Variants in ZNF157 observed in about 807,000 individuals in gnomAD.
ZNF157 encodes the protein zinc finger protein 22.
ZNF157 carries 8 observed loss-of-function variants against 9.4 expected under a neutral mutation model. That is an observed-to-expected ratio of 0.85 (90% CI 0.50 to 1.53). The LOEUF (loss-of-function observed/expected upper bound fraction) is 1.53, where lower values mean the gene tolerates loss of function less well. Ranked by LOEUF, ZNF157 falls within the 40% of genes most tolerant of loss-of-function variation. ZNF157 has a pLI of 0.00. For missense variants in ZNF157, 316 were observed against 385.2 expected (o/e 0.82, Z 1.50); for synonymous variants, 120 against 130.8 (o/e 0.92, Z 0.56).
Position 47,370,751 on chromosome X carries a change from G to T in ZNF157, c.72+11G>T. The T allele has an allele frequency of 8.5e-7, 1 of 1,171,450 alleles. No individual in the cohort carries two copies. The highest frequency in any genetic ancestry group is 2.4e-5 in the Admixed American group (1 of 41,504). ...GGCAGATCTTTTGAGGTAAGGAGGA[G>T]GATCCTATTTTTTTCTATATGTTCT... On this transcript the variant is annotated intron_variant, in intron 1 of 3. Coordinates refer to ENST00000377073, the MANE Select transcript of ZNF157 (RefSeq NM_003446.4).
chrX:47,405,886 G>A (rs976785054), intron 1 of ZNF157, among the ~76,000 whole-genome samples: 1 of 108,729 alleles, frequency 9.2e-6, no homozygotes, highest in Admixed American at 1.0e-4. Context: ...AGGTTTTGGG[G>A]AATGGTTGGT....
At chrX:47,381,139 CAGG>C (rs200258628) in intron 1 of ZNF157, among the ~76,000 whole-genome samples, 1 of 71,394 alleles carries the variant, frequency 1.4e-5, no homozygotes, top group South Asian at 7.4e-4. Flanking sequence ...GGAGGAGGAG[CAGG>C]AGGAGGAGGA....
At chrX:47,399,995 C>CTTTT (rs35568461) in intron 1 of ZNF157, among the ~76,000 whole-genome samples, 1 of 72,670 alleles carries the variant, frequency 1.4e-5, no homozygotes, top group African/African-American at 4.3e-5. Context: ...TTCTCTCTCT[C>CTTTT]TTTTTTTTTT....
intron 1 of ZNF157, among the ~76,000 whole-genome samples, chrX:47,396,588 G>A (rs1216103254): frequency 2.7e-5 from 3 of 111,274 alleles, no homozygotes; most frequent in African/African-American, 9.8e-5. Flanking sequence ...TATGCAGCTG[G>A]TCACATGGTC....
At chrX:47,396,774 T>TGTAAAGGTA (rs2147409116) in intron 1 of ZNF157, among the ~76,000 whole-genome samples, 1 of 111,689 alleles carries the variant, frequency 9.0e-6, no homozygotes, top group African/African-American at 3.2e-5. Context: ...CTTGGTAATT[T>TGTAAAGGTA]GTAAAGGAAA....
intron 1 of ZNF157, among the ~76,000 whole-genome samples, chrX:47,380,019 C>T (rs181352886): frequency 9.1e-6 from 1 of 110,492 alleles, no homozygotes; most frequent in African/African-American, 3.3e-5. Context: ...GGATTTTTGC[C>T]TTTCCATATA....
chrX:47,394,373 T>C (rs1179957851), intron 1 of ZNF157, among the ~76,000 whole-genome samples: 1 of 111,655 alleles, frequency 9.0e-6, no homozygotes, highest in Non-Finnish European at 1.9e-5. Context: ...TTTTAGCATC[T>C]TTTACAATCT....
intron 1 of ZNF157, among the ~76,000 whole-genome samples, chrX:47,382,770 G>A (rs12009614): frequency 0.01 from 1,099 of 109,840 alleles, 22 homozygotes; most frequent in African/African-American, 0.035. Context: ...TGAAGCAGCT[G>A]ATAGGCTTCA....
In ZNF157 at chrX:47,402,407, C is replaced by T. The variant is rs537927777; in HGVS notation, c.73-7869C>T. On this transcript the variant is annotated intron_variant, in intron 1 of 3. Transcript: ENST00000377073. ...ATTACTTATATTTTGTCTATTTAAT[C>T]TGTCTCATTCTGTGAATGGTATGTT... 4.4e-3 allele frequency among the ~76,000 whole-genome samples: 494 copies of T among 111,516 alleles called. 3 individuals carry two copies. Among genetic ancestry groups the T allele is most frequent in the African/African-American group, 0.015 (477 of 30,780 alleles).
At chrX:47,403,233 C>T (rs1194731350) in intron 1 of ZNF157, among the ~76,000 whole-genome samples, 4 of 110,398 alleles carry the variant, frequency 3.6e-5, no homozygotes, top group African/African-American at 9.9e-5. Flanking sequence ...GCCGAGATCA[C>T]GCTACTGCAC....
At chrX:47,380,368 C>T (rs187410741) in intron 1 of ZNF157, among the ~76,000 whole-genome samples, 1 of 111,044 alleles carries the variant, frequency 9.0e-6, no homozygotes, top group African/African-American at 3.3e-5. Context: ...TGCGGTTTGA[C>T]TTTGACTTGG....
At chrX:47,411,731 A>G (rs1490268945) in intron 3 of ZNF157, among the ~76,000 whole-genome samples, 2 of 111,086 alleles carry the variant, frequency 1.8e-5, no homozygotes, top group Non-Finnish European at 3.8e-5. Context: ...TCATTCATAT[A>G]TTCATTTAGT....
Position 47,410,787 on chromosome X carries a change from G to A in ZNF157, c.295+12G>A. ...CCATGGTTACTCAGGTAAGTACTGGGCAAGAACTGGACATATGGAAAATAG... is the reference window on the plus strand; with the variant it reads ...CCATGGTTACTCAGGTAAGTACTGGACAAGAACTGGACATATGGAAAATAG... On this transcript the variant is annotated intron_variant, in intron 3 of 3. Transcript: ENST00000377073. 1 of 1,169,863 alleles carries A rather than the reference G, an allele frequency of 8.5e-7. No homozygotes were observed. The highest frequency in any genetic ancestry group is 1.2e-6 in the Non-Finnish European group (1 of 863,190).
intron 1 of ZNF157, among the ~76,000 whole-genome samples, chrX:47,377,909 G>A (rs1230089311): frequency 9.1e-6 from 1 of 110,154 alleles, no homozygotes; most frequent in Non-Finnish European, 1.9e-5. Flanking sequence ...TTTTAATTGA[G>A]TAGTTTGTTT....
intron 1 of ZNF157, among the ~76,000 whole-genome samples, chrX:47,382,939 C>T (rs950904442): frequency 9.0e-6 from 1 of 110,810 alleles, no homozygotes; most frequent in African/African-American, 3.3e-5. Context: ...ACCCAAAAGC[C>T]TCATTGAATT....
At chrX:47,395,702 C>T (rs1247583129) in intron 1 of ZNF157, among the ~76,000 whole-genome samples, 3 of 112,036 alleles carry the variant, frequency 2.7e-5, no homozygotes, top group African/African-American at 6.5e-5. Flanking sequence ...TGGTGGCTCA[C>T]GCCTGTAATC....
intron 1 of ZNF157, among the ~76,000 whole-genome samples, chrX:47,400,039 C>T: frequency 9.8e-6 from 1 of 101,831 alleles, no homozygotes; most frequent in East Asian, 3.1e-4. Context: ...CTCTGTCACC[C>T]AGGCTGGAGT....
In ZNF157 at chrX:47,412,517, C is replaced by T; in HGVS notation, c.444C>T (p.Gly148=). ...GGAAAGCCTTCCATGAGAAAACAGGCTTTGTTAGACGTAAAAGAACACCCA... is the reference window on the plus strand; with the variant it reads ...GGAAAGCCTTCCATGAGAAAACAGGTTTTGTTAGACGTAAAAGAACACCCA... ...GCRKAFHEKT[G]FVRRKRTPRG... is the part of the protein sequence containing the mutation. Residue 148 remains glycine (G), a synonymous_variant, in exon 4 of 4, where the codon GGC becomes GGT. Coordinates refer to ENST00000377073, the MANE Select transcript of ZNF157 (RefSeq NM_003446.4). 1 of 1,211,644 alleles carries T rather than the reference C, an allele frequency of 8.3e-7. No homozygotes were observed. The highest frequency in any genetic ancestry group is 1.1e-6 in the Non-Finnish European group (1 of 895,487).
intron 1 of ZNF157, among the ~76,000 whole-genome samples, chrX:47,389,031 G>A (rs1328764832): frequency 1.8e-5 from 2 of 109,327 alleles, no homozygotes; most frequent in South Asian, 4.0e-4. Flanking sequence ...GGCTGGTCTC[G>A]AACTCCTGAC....
Sources: gnomAD v4.1 joint callset for allele counts (sites outside exome capture counted in the v4.1 genomes callset) on GRCh38, gnomAD v4.1.1 for gene constraint, MANE v1.5 for transcripts, NCBI Gene and HGNC (gene_info 2026-07-23, HGNC 2026-07-21) for gene names.